The following NVL variants were observed in gnomAD, a reference collection of about 807,000 sequenced individuals.
The protein encoded by NVL is nuclear valosin-containing protein-like.
In NVL, 84 loss-of-function variants were observed where a neutral mutation model predicts 110.2. The ratio of observed to expected loss-of-function variants is 0.76; its 90% CI spans 0.64 to 0.91. The LOEUF (loss-of-function observed/expected upper bound fraction) is 0.91, where lower values mean the gene tolerates loss of function less well. NVL is among the 40% of genes least tolerant of loss of function. NVL has a pLI of 0.00. For missense variants in NVL, 882 were observed against 1,035.9 expected (o/e 0.85, Z 2.04); for synonymous variants, 354 against 361.1 (o/e 0.98, Z 0.22).
At chr1:224,317,666 A>G (rs763642372) in intron 4 of NVL, 28 bp downstream of exon 4, 2 of 1,336,872 alleles carry the variant, frequency 1.5e-6, no homozygotes, top group Non-Finnish European at 2.1e-6. Context: ...TTCATGGTTT[A>G]AAAAAACCCT....
At chr1:224,311,028 T>G (rs1207539321) in intron 5 of NVL, among the ~76,000 whole-genome samples, 1 of 151,936 alleles carries the variant, frequency 6.6e-6, no homozygotes, top group Non-Finnish European at 1.5e-5. Context: ...CCATAACCCC[T>G]GGCCTTTTAT....
intron 10 of NVL, chr1:224,297,699 G>A (rs1458734940): frequency 2.3e-5 from 4 of 176,248 alleles, no homozygotes; most frequent in Non-Finnish European, 5.1e-5. Context: ...TCTCTAGGCC[G>A]TTCAGAAAAC....
At chr1:224,252,469 C>T (rs1005503591) in intron 18 of NVL, among the ~76,000 whole-genome samples, 5 of 152,144 alleles carry the variant, frequency 3.3e-5, no homozygotes, top group Middle Eastern at 3.2e-3. Flanking sequence ...ATGAGATTCA[C>T]GTTTCTAATA....
intron 18 of NVL, among the ~76,000 whole-genome samples, chr1:224,253,024 A>G (rs903668489): frequency 6.6e-6 from 1 of 151,958 alleles, no homozygotes; most frequent in African/African-American, 2.4e-5. Flanking sequence ...ATGTGTCAGT[A>G]ATTTTCTTGT....
chr1:224,263,627 A>T (rs999567677), intron 18 of NVL, among the ~76,000 whole-genome samples: 2 of 152,060 alleles, frequency 1.3e-5, no homozygotes, highest in Admixed American at 1.3e-4. Flanking sequence ...ATTCCAGAAA[A>T]TCCTATTAGT....
chr1:224,261,121 G>A (rs979534438), intron 18 of NVL, among the ~76,000 whole-genome samples: 11 of 151,966 alleles, frequency 7.2e-5, no homozygotes, highest in South Asian at 2.1e-4. Flanking sequence ...TGATCTGCCC[G>A]CCTCGGCCTC....
At chr1:224,231,862 T>C (rs1230861296) in intron 21 of NVL, among the ~76,000 whole-genome samples, 1 of 150,936 alleles carries the variant, frequency 6.6e-6, no homozygotes, top group Non-Finnish European at 1.5e-5. Flanking sequence ...CCGTCTCTAC[T>C]AAAAATACAA....
chr1:224,323,537 C>T (rs1670858051), intron 2 of NVL, among the ~76,000 whole-genome samples: 1 of 152,202 alleles, frequency 6.6e-6, no homozygotes. Flanking sequence ...ACACTGCCAG[C>T]TTGGACTGAA....
In NVL at chr1:224,323,785, G is replaced by A. The variant is rs188413861; in HGVS notation, c.131+2606C>T. Among the ~76,000 whole-genome samples the A allele has an allele frequency of 2.6e-4, 39 of 152,328 alleles. No homozygotes were observed. The East Asian group carries it at 6.7e-3, about 26-fold the overall frequency. On this transcript the variant is annotated intron_variant, in intron 2 of 22. Transcript: ENST00000281701. The stretch of plus-strand genomic sequence containing the variant: ...TAACAGGGCAGGATCACCACCCTAC[G>A]GAGCCCACAGGGCAGGGCATCAAGC...
chr1:224,232,467 C>T (rs939336586), intron 21 of NVL, among the ~76,000 whole-genome samples: 62 of 152,162 alleles, frequency 4.1e-4, no homozygotes. Flanking sequence ...GCCTCGAACT[C>T]CTGGGCCTCA....
intron 10 of NVL, among the ~76,000 whole-genome samples, chr1:224,297,490 G>A (rs1288167839): frequency 1.3e-5 from 2 of 152,192 alleles, no homozygotes; most frequent in Non-Finnish European, 2.9e-5. Context: ...GAGGAATGGG[G>A]ACTTACTGTC....
chr1:224,239,882 G>A (rs946707009), intron 19 of NVL, among the ~76,000 whole-genome samples: 6 of 151,994 alleles, frequency 3.9e-5, no homozygotes, highest in Non-Finnish European at 5.9e-5. Context: ...GCATCTTAGT[G>A]TTCTCTTTGT....
chr1:224,249,195 G>A (rs923801209), intron 19 of NVL, among the ~76,000 whole-genome samples: 3 of 152,104 alleles, frequency 2.0e-5, no homozygotes, highest in Admixed American at 6.5e-5. Flanking sequence ...CCAGGCTTGA[G>A]TGCAGTAGCA....
At chr1:224,240,061 ATTTTTTTTTT>A (rs34586586) in intron 19 of NVL, among the ~76,000 whole-genome samples, 1 of 90,932 alleles carries the variant, frequency 1.1e-5, no homozygotes, top group African/African-American at 4.6e-5. Context: ...ACGCTGGGTA[ATTTTTTTTTT>A]TTTTTTTTTT....
intron 5 of NVL, among the ~76,000 whole-genome samples, chr1:224,308,650 C>T (rs978012842): frequency 6.8e-6 from 1 of 147,772 alleles, no homozygotes; most frequent in African/African-American, 2.5e-5. Context: ...GAGATCACAC[C>T]ACTGCACTCC....
At chr1:224,300,260 T>C (rs1049796227) in intron 10 of NVL, among the ~76,000 whole-genome samples, 7 of 152,178 alleles carry the variant, frequency 4.6e-5, no homozygotes, top group African/African-American at 1.7e-4. Context: ...AAAGTAAAAG[T>C]GAGTGGAAAA....
At chr1:224,296,741 C>G (rs1336461503) in intron 10 of NVL, 123 bp from the exon 11 acceptor site, 3 of 599,712 alleles carry the variant, frequency 5.0e-6, no homozygotes, top group Non-Finnish European at 8.5e-6. Context: ...AAGAATAACC[C>G]TAAAGAAGGC....
intron 6 of NVL, among the ~76,000 whole-genome samples, chr1:224,306,498 C>A (rs1405994831): frequency 6.6e-6 from 1 of 152,092 alleles, no homozygotes; most frequent in East Asian, 1.9e-4. Context: ...AATCTCCTGA[C>A]CTCATGATCT....
intron 4 of NVL, chr1:224,313,091 C>A: frequency 2.6e-6 from 1 of 380,552 alleles, no homozygotes; most frequent in Non-Finnish European, 5.3e-6. Flanking sequence ...CCTGGGACGT[C>A]AAGACTGCGG....
Sources: allele counts gnomAD v4.1 joint callset (sites outside exome capture counted in the v4.1 genomes callset), GRCh38; gene constraint gnomAD v4.1.1; transcripts MANE v1.5; gene names NCBI Gene and HGNC (gene_info 2026-07-23, HGNC 2026-07-21).